Variants in CAPZB observed in about 807,000 individuals in gnomAD.
CAPZB encodes capping actin protein of muscle Z-line subunit beta.
A neutral mutation model predicts 38.1 loss-of-function variants in CAPZB; 2 were observed. The ratio of observed to expected loss-of-function variants is 0.05; its 90% CI spans 0.02 to 0.17. CAPZB has a LOEUF of 0.17. Ranked by LOEUF, CAPZB falls within the 10% of genes least tolerant of loss-of-function variation. The pLI, the probability that CAPZB is intolerant of heterozygous loss-of-function variation, is 1.00. For missense variants in CAPZB, 161 were observed against 334.2 expected, an observed-to-expected ratio of 0.48 and a Z score of 4.04; for synonymous variants, 107 against 127.4, an observed-to-expected ratio of 0.84 and a Z score of 1.08.
In CAPZB at chr1:19,378,753, C is replaced by G. The variant is rs11809174; in HGVS notation, c.216-100G>C. 5.7e-3 allele frequency: 3,894 copies of G among 677,972 alleles called. 112 individuals are homozygous for G. In the African/African-American group the frequency reaches 0.061, roughly 11 times the overall value. 42.0% of individuals were successfully genotyped at this position (677,972 alleles called of 1,614,324 possible). A position where few individuals can be genotyped will look rare whatever the true frequency, so the allele number is the denominator to read the frequency against. ...CCCTGGCTATCTGAAATCTCGGAGG[C>G]AAAGCCGCTAACTCCAGCAAAGATT... is the stretch of plus-strand genomic sequence containing the variant. On this transcript the variant is annotated intron_variant, in intron 3 of 8. Transcript: ENST00000264202.
intron 2 of CAPZB, 117 bp downstream of exon 2, chr1:19,419,544 G>C (rs1040443716): frequency 7.7e-6 from 5 of 653,526 alleles, no homozygotes; most frequent in Non-Finnish European, 1.4e-5. Flanking sequence ...CAGTGGCATG[G>C]TCTGCCAGGG....
chr1:19,471,517 T>A (rs1172582335), intron 1 of CAPZB, among the ~76,000 whole-genome samples: 3 of 152,136 alleles, frequency 2.0e-5, no homozygotes, highest in Non-Finnish European at 4.4e-5. Context: ...AGTCACGTGA[T>A]GGGAGGGCCC....
intron 4 of CAPZB, among the ~76,000 whole-genome samples, chr1:19,358,342 T>C (rs2094032902): frequency 6.6e-6 from 1 of 152,180 alleles, no homozygotes; most frequent in South Asian, 2.1e-4. Flanking sequence ...TTTGCCATGT[T>C]GGCCAGGCTG....
At chr1:19,439,431 T>C (rs77941384) in intron 1 of CAPZB, among the ~76,000 whole-genome samples, 2,349 of 152,338 alleles carry the variant, frequency 0.015, 33 homozygotes, top group Middle Eastern at 0.034. Flanking sequence ...TCAGTTTCAG[T>C]GGCCTTGGAG....
chr1:19,458,006 A>G (rs1356268235), intron 1 of CAPZB, among the ~76,000 whole-genome samples: 1 of 152,058 alleles, frequency 6.6e-6, no homozygotes, highest in Admixed American at 6.5e-5. Flanking sequence ...CTTAGGTCAT[A>G]ATAATTTTTA....
rs372100197 is a variant in CAPZB, at chr1:19,405,456, G to A, written c.93+14205C>T. Among the ~76,000 whole-genome samples the A allele has an allele frequency of 5.7e-5, 8 of 141,494 alleles. No homozygotes were observed. The East Asian group carries it at 1.3e-3, about 23-fold the overall frequency. The allele number at this position is 141,494 out of a possible 152,430, so 92.8% of individuals were successfully genotyped here. ...AATGAGACAGGAAAACAATGCGGGCGAAGAAGTATTAAGCCTCTTTAAAAC... is the reference window on the plus strand; with the variant it reads ...AATGAGACAGGAAAACAATGCGGGCAAAGAAGTATTAAGCCTCTTTAAAAC... On this transcript the variant is annotated intron_variant, in intron 2 of 8. Coordinates refer to ENST00000264202, the MANE Select transcript of CAPZB (RefSeq NM_004930.5).
chr1:19,415,285 T>C (rs945477187), intron 2 of CAPZB, among the ~76,000 whole-genome samples: 6 of 152,238 alleles, frequency 3.9e-5, no homozygotes, highest in Non-Finnish European at 7.3e-5. Context: ...GCTGTTTGCA[T>C]GGAGCAGCAG....
intron 2 of CAPZB, among the ~76,000 whole-genome samples, chr1:19,414,328 T>C (rs1014654929): frequency 6.6e-6 from 1 of 152,204 alleles, no homozygotes; most frequent in African/African-American, 2.4e-5. Flanking sequence ...AGGGCTGCTC[T>C]GGCTACTTAA....
rs2094364201 is a variant in CAPZB, at chr1:19,413,104, G to A, written c.93+6557C>T. On this transcript the variant is annotated intron_variant, in intron 2 of 8. Coordinates refer to ENST00000264202, the MANE Select transcript of CAPZB (RefSeq NM_004930.5). ...GCAGCTCTTGCTACTCATCCTCAGA[G>A]CTTATTCACTGGTCAATGACCAATG... Among the ~76,000 whole-genome samples, 2 of 152,186 alleles carry A rather than the reference G, an allele frequency of 1.3e-5. 1 individual carries two copies. The highest frequency in any genetic ancestry group is 4.1e-4 in the South Asian group (2 of 4,826).
chr1:19,413,931 A>G (rs2094368180), intron 2 of CAPZB, among the ~76,000 whole-genome samples: 1 of 152,230 alleles, frequency 6.6e-6, no homozygotes, highest in African/African-American at 2.4e-5. Context: ...TGCTTTGACT[A>G]TTAAAGACTG....
intron 4 of CAPZB, among the ~76,000 whole-genome samples, chr1:19,377,524 A>G (rs1486564113): frequency 6.6e-6 from 1 of 152,224 alleles, no homozygotes. Context: ...GCCAAGCCCC[A>G]CCCACCTCAA....
chr1:19,370,476 C>T (rs1032373069), intron 4 of CAPZB, among the ~76,000 whole-genome samples: 6 of 152,304 alleles, frequency 3.9e-5, no homozygotes, highest in South Asian at 2.1e-4. Flanking sequence ...TGATACACTC[C>T]CCCAGGGATG....
At position 19,427,624 on chromosome 1, in the gene CAPZB, G is replaced by A. The variant is rs190608228; in HGVS notation, c.4-7874C>T. Among the ~76,000 whole-genome samples, 56 of 139,320 alleles carry A rather than the reference G, an allele frequency of 4.0e-4. No homozygotes were observed. The East Asian group carries it at 0.01, about 26-fold the overall frequency. 91.4% of individuals were successfully genotyped at this position (139,320 alleles called of 152,430 possible). A position where few individuals can be genotyped will look rare whatever the true frequency, so the allele number is the denominator to read the frequency against. ...CATCTTTAGGTCACTCTGGAAAACT[G>A]CACATTTTGGATTAATAAAAAGAAA... is the stretch of plus-strand genomic sequence containing the variant. On this transcript the variant is annotated intron_variant, in intron 1 of 8. Transcript: ENST00000264202.
At chr1:19,430,590 CAGCAA>C (rs2094438715) in intron 1 of CAPZB, among the ~76,000 whole-genome samples, 2 of 152,300 alleles carry the variant, frequency 1.3e-5, no homozygotes, top group South Asian at 4.1e-4. Flanking sequence ...AGTCGCTGCC[CAGCAA>C]GGAAGAGTAT....
At chr1:19,453,819 G>C (rs186357231) in intron 1 of CAPZB, among the ~76,000 whole-genome samples, 3 of 152,306 alleles carry the variant, frequency 2.0e-5, no homozygotes. Context: ...TGTGAATAGT[G>C]AACAATTACT....
intron 1 of CAPZB, among the ~76,000 whole-genome samples, chr1:19,431,614 G>C (rs909500697): frequency 2.0e-5 from 3 of 152,118 alleles, no homozygotes; most frequent in Non-Finnish European, 4.4e-5. Context: ...CCAGCTACTT[G>C]GGAGGCTGAG....
Position 19,460,574 on chromosome 1 carries a change from C to CGTT in CAPZB, c.3+24861_3+24862insAAC, listed in dbSNP as rs1553292634. Among the ~76,000 whole-genome samples the CGTT allele has an allele frequency of 6.6e-5, 6 of 90,972 alleles. No homozygotes were observed. In the Admixed American group the frequency reaches 8.9e-4, roughly 13 times the overall value. The allele number at this position is 90,972 out of a possible 152,430, so 59.7% of individuals were successfully genotyped here. ...ACAGGCGTGAGCCACTGTGCCCAGG[C>CGTT]TTTTTTTTTTTTTTTTTTTTTTTGT... On this transcript the variant is annotated intron_variant, in intron 1 of 8. Transcript: ENST00000264202.
At chr1:19,479,298 G>A (rs974685771) in intron 1 of CAPZB, among the ~76,000 whole-genome samples, 8 of 152,312 alleles carry the variant, frequency 5.3e-5, no homozygotes, top group Middle Eastern at 3.4e-3. Context: ...CAGCAGACTG[G>A]TGTCTTAGGC....
Position 19,380,301 on chromosome 1 carries a change from C to A in CAPZB, c.216-1648G>T, listed in dbSNP as rs1024248002. Among the ~76,000 whole-genome samples, 5 of 152,336 alleles carry A rather than the reference C, an allele frequency of 3.3e-5. No individual in the cohort carries two copies. In the East Asian group the frequency reaches 9.6e-4, roughly 29 times the overall value. On this transcript the variant is annotated intron_variant, in intron 3 of 8. Coordinates refer to ENST00000264202, the MANE Select transcript of CAPZB (RefSeq NM_004930.5). Reference sequence around the variant, plus strand: ...TCAAAGCAGAAGGAGCCTTGGAAATCCTTGTTTCCAAGCTGACCACTTTCT... The same window carrying A: ...TCAAAGCAGAAGGAGCCTTGGAAATACTTGTTTCCAAGCTGACCACTTTCT...
Sources: gnomAD v4.1 joint callset for allele counts (sites outside exome capture counted in the v4.1 genomes callset) on GRCh38, gnomAD v4.1.1 for gene constraint, MANE v1.5 for transcripts, NCBI Gene and HGNC (gene_info 2026-07-23, HGNC 2026-07-21) for gene names.